The following TINAG variants were observed in gnomAD, a reference collection of about 807,000 sequenced individuals.
TINAG encodes the protein tubulointerstitial nephritis antigen.
TINAG carries 83 observed loss-of-function variants against 72.7 expected under a neutral mutation model. The ratio of observed to expected loss-of-function variants is 1.14; its 90% CI spans 0.96 to 1.37. The LOEUF is 1.37. Among genes scored for constraint, TINAG ranks in the 40% most tolerant of loss-of-function variants. The pLI is 0.00. For synonymous variants in TINAG, 234 were observed against 189.9 expected (o/e 1.23, Z -1.91); for missense variants, 685 against 576.6 (o/e 1.19, Z -1.93).
intron 9 of TINAG, among the ~76,000 whole-genome samples, chr6:54,368,151 A>T (rs985333559): frequency 6.6e-6 from 1 of 150,894 alleles, no homozygotes; most frequent in African/African-American, 2.4e-5. Flanking sequence ...TTTATTTCTG[A>T]TGGTTTTGAC....
chr6:54,340,719 C>T (rs1005784593), intron 4 of TINAG, among the ~76,000 whole-genome samples: 1 of 152,058 alleles, frequency 6.6e-6, no homozygotes, highest in Non-Finnish European at 1.5e-5. Context: ...ATAAATTGAT[C>T]TGGCTTAGTG....
chr6:54,349,618 A>C, intron 6 of TINAG, 98 bp from the exon 7 acceptor site: 3 of 1,154,444 alleles, frequency 2.6e-6, no homozygotes, highest in Non-Finnish European at 3.5e-6. Context: ...AGTAACCAGA[A>C]TAATTTATGA....
intron 1 of TINAG, among the ~76,000 whole-genome samples, chr6:54,318,761 T>A (rs1476669085): frequency 1.3e-5 from 2 of 152,130 alleles, no homozygotes; most frequent in Non-Finnish European, 2.9e-5. Context: ...TGGGAAGGAT[T>A]GTAGCAAAGG....
At chr6:54,353,941 C>G (rs1038795778) in intron 8 of TINAG, among the ~76,000 whole-genome samples, 4 of 151,824 alleles carry the variant, frequency 2.6e-5, no homozygotes, top group African/African-American at 7.2e-5. Context: ...GGAAGGAGAG[C>G]TTTCTAAAAT....
rs781567904 is a variant in TINAG at position 54,354,625 on chromosome 6, C to G, written c.1239C>G (p.Val413=). 3 of 1,607,006 alleles carry G rather than the reference C, an allele frequency of 1.9e-6. No homozygotes were observed. Among genetic ancestry groups the G allele is most frequent in the Admixed American group, 3.4e-5 (2 of 58,786 alleles). ...ATCGAAAGCTTCAGACACATGCAGT[C>G]AAACTCACTGGGTAAGGCAATTAAA... ...EKYRKLQTHA[V]KLTGWGTLRG... is the part of the protein sequence containing the mutation. The change falls in exon 9 of 11, where the codon GTC becomes GTG. Residue 413 remains valine, a synonymous_variant. Coordinates refer to ENST00000259782, the MANE Select transcript of TINAG (RefSeq NM_014464.4).
upstream of TINAG, among the ~76,000 whole-genome samples, chr6:54,308,291 T>C (rs571796158): frequency 6.6e-6 from 1 of 152,282 alleles, no homozygotes; most frequent in East Asian, 1.9e-4. Flanking sequence ...GATGCATAAT[T>C]TCTACACTAT....
At chr6:54,308,249 C>T, upstream of TINAG, 1 of 823,018 alleles carries the variant, frequency 1.2e-6, no homozygotes, top group Non-Finnish European at 1.9e-6. Context: ...CAATGTATCT[C>T]TATGCATAAG....
At chr6:54,381,278 A>T (rs1376734382) in intron 10 of TINAG, among the ~76,000 whole-genome samples, 1 of 151,648 alleles carries the variant, frequency 6.6e-6, no homozygotes, top group Non-Finnish European at 1.5e-5. Flanking sequence ...AACAATTTGA[A>T]GAAGATTGGA....
At chr6:54,339,067 C>T (rs1191599540) in intron 4 of TINAG, among the ~76,000 whole-genome samples, 1 of 152,106 alleles carries the variant, frequency 6.6e-6, no homozygotes, top group African/African-American at 2.4e-5. Flanking sequence ...CCCATTAACA[C>T]CTCTGAAATT....
At position 54,326,851 on chromosome 6, in the gene TINAG, G is replaced by T; in HGVS notation, c.559G>T (p.Gly187Cys). Reference sequence around the variant, plus strand: ...ATTTTGGGGAATGACTTTAGAAGATGGTTTTAAATTTCGCCTTGGCACTTT... The same window carrying T: ...ATTTTGGGGAATGACTTTAGAAGATTGTTTTAAATTTCGCCTTGGCACTTT... ...SQFWGMTLEDGFKFRLGTLPP... is the reference protein window; with the variant it reads ...SQFWGMTLEDCFKFRLGTLPP... The change falls in exon 4 of 11, where the codon GGT (glycine) becomes TGT (cysteine). Residue 187 changes from glycine to cysteine, a missense_variant. Transcript: ENST00000259782. 7 of 1,613,106 alleles carry T rather than the reference G, an allele frequency of 4.3e-6. No individual in the cohort carries two copies. The highest frequency in any genetic ancestry group is 5.9e-6 in the Non-Finnish European group (7 of 1,179,780).
intron 4 of TINAG, among the ~76,000 whole-genome samples, chr6:54,331,142 G>A (rs936522965): frequency 1.3e-5 from 2 of 152,124 alleles, no homozygotes; most frequent in Non-Finnish European, 2.9e-5. Flanking sequence ...AAACCTGGCA[G>A]AGACACGACA....
chr6:54,334,635 G>A (rs1474810795), intron 4 of TINAG, among the ~76,000 whole-genome samples: 1 of 152,284 alleles, frequency 6.6e-6, no homozygotes, highest in South Asian at 2.1e-4. Flanking sequence ...AAGATTGAGA[G>A]AGGTTAAAAG....
At chr6:54,352,882 A>G (rs1045659161) in intron 8 of TINAG, among the ~76,000 whole-genome samples, 3 of 151,874 alleles carry the variant, frequency 2.0e-5, no homozygotes, top group African/African-American at 7.2e-5. Context: ...AAAAATAAAG[A>G]CATAACATTT....
At chr6:54,313,910 A>G (rs187446289) in intron 1 of TINAG, among the ~76,000 whole-genome samples, 48 of 152,320 alleles carry the variant, frequency 3.2e-4, no homozygotes, top group African/African-American at 9.9e-4. Flanking sequence ...GAATATCAAC[A>G]GGAGTAATCG....
intron 9 of TINAG, among the ~76,000 whole-genome samples, chr6:54,368,432 G>T (rs550042783): frequency 6.7e-6 from 1 of 149,740 alleles, no homozygotes; most frequent in Admixed American, 6.7e-5. Context: ...ATGCCTGAAA[G>T]ATATTTGGGC....
At chr6:54,375,896 A>G (rs1384322650) in intron 9 of TINAG, among the ~76,000 whole-genome samples, 1 of 152,154 alleles carries the variant, frequency 6.6e-6, no homozygotes, top group Non-Finnish European at 1.5e-5. Context: ...GTCACATTCC[A>G]TATTCAAATG....
intron 9 of TINAG, among the ~76,000 whole-genome samples, chr6:54,357,853 A>T (rs2150964971): frequency 6.6e-6 from 1 of 152,058 alleles, no homozygotes; most frequent in East Asian, 1.9e-4. Flanking sequence ...TTAGAACTTT[A>T]GATCTTGTTA....
At chr6:54,357,885 A>G (rs1389269573) in intron 9 of TINAG, among the ~76,000 whole-genome samples, 2 of 151,902 alleles carry the variant, frequency 1.3e-5, no homozygotes, top group African/African-American at 2.4e-5. Context: ...GAATCCTACA[A>G]TATATTCCCA....
At chr6:54,343,190 G>T (rs768480062) in intron 4 of TINAG, 36 bp from the exon 5 acceptor site, 20 of 1,441,908 alleles carry the variant, frequency 1.4e-5, no homozygotes, top group Middle Eastern at 1.8e-4. Flanking sequence ...ACATATTTGA[G>T]AAAATCTCAT....
Sources: allele counts gnomAD v4.1 joint callset (sites outside exome capture counted in the v4.1 genomes callset), GRCh38; gene constraint gnomAD v4.1.1; transcripts MANE v1.5; gene names NCBI Gene and HGNC (gene_info 2026-07-23, HGNC 2026-07-21).